The following POMT2 variants were observed in gnomAD, a reference collection of about 807,000 sequenced individuals.
POMT2 encodes the protein protein O-mannosyl-transferase 2.
In POMT2, 75 loss-of-function variants were observed where a neutral mutation model predicts 100.0. The observed-to-expected ratio is 0.75, with a 90% CI of 0.62 to 0.91. The LOEUF (loss-of-function observed/expected upper bound fraction) is 0.91, where lower values mean the gene tolerates loss of function less well. Ranked by LOEUF, POMT2 falls within the 40% of genes least tolerant of loss-of-function variation. The probability of loss-of-function intolerance (pLI) is 0.00; values close to 1 mark genes in which losing one functional copy is unlikely to be tolerated. For synonymous variants in POMT2, 378 were observed against 374.1 expected, an observed-to-expected ratio of 1.01 and a Z score of -0.12; for missense variants, 940 against 955.1, an observed-to-expected ratio of 0.98 and a Z score of 0.21.
At chr14:77,318,291 T>C (rs1277124159) in intron 1 of POMT2, among the ~76,000 whole-genome samples, 1 of 152,010 alleles carries the variant, frequency 6.6e-6, no homozygotes, top group African/African-American at 2.4e-5. Flanking sequence ...CATCTCACTA[T>C]GAAAACATAA....
In POMT2 at chr14:77,301,266, C is replaced by CG; in HGVS notation, c.657-18dup. 8.1e-6 allele frequency: 13 copies of CG among 1,613,990 alleles called. No individual in the cohort carries two copies. In the South Asian group the frequency reaches 1.4e-4, roughly 18 times the overall value. ...GAGAAGGGCCTGAAAATCAACAAGA[C>CG]GGAGTTCAATTTGGCAGCTGGAACC... On this transcript the variant is annotated splice_polypyrimidine_tract_variant and intron_variant, in intron 5 of 20. Coordinates refer to ENST00000261534, the MANE Select transcript of POMT2 (RefSeq NM_013382.7).
Position 77,283,810 on chromosome 14 carries a change from A to T in POMT2, c.1640T>A (p.Met547Lys). The T allele has an allele frequency of 6.2e-7, 1 of 1,610,334 alleles. No homozygotes were observed. The highest frequency in any genetic ancestry group is 8.5e-7 in the Non-Finnish European group (1 of 1,176,556). Residue 547 changes from methionine to lysine, a missense_variant, in exon 15 of 21, where the codon ATG becomes AAG. By Grantham distance (95) the Met-to-Lys change is moderately conservative. Coordinates refer to ENST00000261534, the MANE Select transcript of POMT2 (RefSeq NM_013382.7). ...GGGGACACATACCCGGATCATGACC[A>T]TGTGGGATTCCAGCAAGATCTCAGG... ...SFPEILLESH[M>K]VMIRGNSGLK...
intron 2 of POMT2, chr14:77,308,852 G>A (rs553382042): frequency 1.2e-5 from 5 of 425,992 alleles, no homozygotes; most frequent in South Asian, 3.4e-5. Flanking sequence ...ATATACCTGC[G>A]CAACTATACA....
chr14:77,320,457 G>C lies in POMT2; in HGVS notation c.225C>G (p.Arg75=). Residue 75 remains arginine, a synonymous_variant, in exon 1 of 21, where the codon CGC becomes CGG. Coordinates refer to ENST00000261534, the MANE Select transcript of POMT2 (RefSeq NM_013382.7). ...ACCAGATGTGCGGCGGCTCGTCCAA[G>C]CGGTGGAAGCGGGTGGCGAAGGACA... ...TLLSFATRFH[R]LDEPPHICWD... is the part of the protein sequence containing the mutation. 2.6e-6 allele frequency: 4 copies of C among 1,546,060 alleles called. No individual in the cohort carries two copies. Among genetic ancestry groups the C allele is most frequent in the Non-Finnish European group, 3.5e-6 (4 of 1,146,974 alleles).
At chr14:77,280,171 A>G in intron 16 of POMT2, 91 bp from the exon 17 acceptor site, 1 of 1,605,286 alleles carries the variant, frequency 6.2e-7, no homozygotes, top group Non-Finnish European at 8.5e-7. Flanking sequence ...TTCCACAGAC[A>G]GGGAGCCTGG....
chr14:77,278,609 C>T, intron 19 of POMT2, 101 bp from the exon 20 acceptor site: 1 of 1,492,474 alleles, frequency 6.7e-7, no homozygotes, highest in East Asian at 2.4e-5. Flanking sequence ...GAGTCACTCC[C>T]AGCACTGCTG....
intron 2 of POMT2, among the ~76,000 whole-genome samples, chr14:77,311,573 T>C (rs1891436263): frequency 6.6e-6 from 1 of 152,254 alleles, no homozygotes; most frequent in African/African-American, 2.4e-5. Flanking sequence ...ATATTTCATA[T>C]AAGTGGAATC....
chr14:77,296,848 C>T (rs1385033473), intron 8 of POMT2, among the ~76,000 whole-genome samples: 4 of 152,192 alleles, frequency 2.6e-5, no homozygotes, highest in African/African-American at 7.2e-5. Flanking sequence ...GTCCTTCTTC[C>T]AATCCGCTGG....
At chr14:77,315,510 C>T (rs1451428010) in intron 1 of POMT2, among the ~76,000 whole-genome samples, 2 of 152,202 alleles carry the variant, frequency 1.3e-5, no homozygotes, top group African/African-American at 4.8e-5. Context: ...AGTGACATTC[C>T]AGGCAGAGCT....
Position 77,296,257 on chromosome 14 carries a change from A to G in POMT2, c.1023T>C (p.Ser341=). 6.2e-7 allele frequency: 1 copy of G among 1,603,850 alleles called. No individual in the cohort carries two copies. Among genetic ancestry groups the G allele is most frequent in the African/African-American group, 1.3e-5 (1 of 74,954 alleles). The change falls in exon 9 of 21, where the codon TCT becomes TCC. Residue 341 remains serine, a synonymous_variant. Coordinates refer to ENST00000261534, the MANE Select transcript of POMT2 (RefSeq NM_013382.7). Reference sequence around the variant, plus strand: ...TCCGGAGGTTCTTCACAGTGATCACAGAGCCGTAGGCCAGGTCTGGGAGGA... The same window carrying G: ...TCCGGAGGTTCTTCACAGTGATCACGGAGCCGTAGGCCAGGTCTGGGAGGA... ...ASIPEHLAYG[S]VITVKNLRMA...
intron 1 of POMT2, 33 bp from the exon 2 acceptor site, chr14:77,312,066 T>C (rs1228879474): frequency 3.7e-6 from 6 of 1,610,748 alleles, no homozygotes; most frequent in Non-Finnish European, 5.1e-6. Context: ...AACAAGAATT[T>C]TAAAATTATC....
At chr14:77,288,878 T>A (rs2287387) in intron 10 of POMT2, 47 bp from the exon 11 acceptor site, 13 of 1,528,440 alleles carry the variant, frequency 8.5e-6, no homozygotes, top group Admixed American at 1.7e-5. Flanking sequence ...CTCACCAGGC[T>A]AGTATTAATC....
rs147091288 is a variant in POMT2 at position 77,311,126 on chromosome 14, T to C, written c.333+823A>G. Among the ~76,000 whole-genome samples, 941 of 152,264 alleles carry C rather than the reference T, an allele frequency of 6.2e-3. 11 individuals carry two copies. The highest frequency in any genetic ancestry group is 0.021 in the African/African-American group (885 of 41,524). On this transcript the variant is annotated intron_variant, in intron 2 of 20. Coordinates refer to ENST00000261534, the MANE Select transcript of POMT2 (RefSeq NM_013382.7). ...CCAGCCTGGGTGGCAAGAGTGAAAC[T>C]CTGTCTCAAAAACAAACAAACAAAA... is the stretch of plus-strand genomic sequence containing the variant.
intron 1 of POMT2, among the ~76,000 whole-genome samples, chr14:77,317,959 G>T (rs1891689720): frequency 6.6e-6 from 1 of 152,242 alleles, no homozygotes; most frequent in African/African-American, 2.4e-5. Flanking sequence ...TGGCCCACAT[G>T]TGTCAAGGTA....
chr14:77,294,405 T>A (rs1481919898), intron 9 of POMT2, among the ~76,000 whole-genome samples: 1 of 152,212 alleles, frequency 6.6e-6, no homozygotes, highest in African/African-American at 2.4e-5. Flanking sequence ...CACTGCAACC[T>A]CCACCTCCCC....
chr14:77,313,817 C>T (rs1052773647), intron 1 of POMT2, among the ~76,000 whole-genome samples: 1 of 152,188 alleles, frequency 6.6e-6, no homozygotes, highest in Non-Finnish European at 1.5e-5. Flanking sequence ...AAGCGATTCT[C>T]CTGCCTCAGC....
At chr14:77,294,828 C>A (rs574267043) in intron 9 of POMT2, among the ~76,000 whole-genome samples, 1 of 152,316 alleles carries the variant, frequency 6.6e-6, no homozygotes, top group South Asian at 2.1e-4. Flanking sequence ...TGCACTAATA[C>A]ATACTGAGTC....
chr14:77,279,382 A>T (rs527802167), intron 18 of POMT2: 64 of 375,238 alleles, frequency 1.7e-4, no homozygotes, highest in South Asian at 1.3e-3. Context: ...TGGGAACTCA[A>T]TAACCCTGGA....
intron 15 of POMT2, among the ~76,000 whole-genome samples, chr14:77,280,850 G>A (rs1890198350): frequency 6.6e-6 from 1 of 152,322 alleles, no homozygotes; most frequent in African/African-American, 2.4e-5. Context: ...CCAGCACTTT[G>A]GGAGGCCGAG....
Sources: gnomAD v4.1 joint callset for allele counts (sites outside exome capture counted in the v4.1 genomes callset) on GRCh38, gnomAD v4.1.1 for gene constraint, MANE v1.5 for transcripts, NCBI Gene and HGNC (gene_info 2026-07-23, HGNC 2026-07-21) for gene names.